The following CRISPLD1 variants were observed in gnomAD, a reference collection of about 807,000 sequenced individuals.
CRISPLD1 encodes cysteine-rich secretory protein LCCL domain-containing 1.
CRISPLD1 carries 60 observed loss-of-function variants against 77.5 expected under a neutral mutation model. The ratio of observed to expected loss-of-function variants is 0.77; its 90% CI spans 0.63 to 0.96. The LOEUF is 0.96. Among genes scored for constraint, CRISPLD1 ranks in the 40% least tolerant of loss-of-function variants. The pLI, the probability that CRISPLD1 is intolerant of heterozygous loss-of-function variation, is 0.00. For synonymous variants in CRISPLD1, 195 were observed against 200.1 expected (o/e 0.97, Z 0.22); for missense variants, 623 against 615.8 (o/e 1.01, Z -0.12).
rs1813101554 is a variant in CRISPLD1 at position 75,019,867 on chromosome 8, C to A, written c.1128-3C>A. On this transcript the variant is annotated splice_region_variant and splice_polypyrimidine_tract_variant and intron_variant, in intron 10 of 14. Coordinates refer to ENST00000262207, the MANE Select transcript of CRISPLD1 (RefSeq NM_031461.6). ...ATTAACATTTCTGTATTTTTACCTT[C>A]AGCAAATATCAGTCTGCTAATTCCT... The A allele has an allele frequency of 6.2e-7, 1 of 1,608,544 alleles. No individual in the cohort carries two copies. Among genetic ancestry groups the A allele is most frequent in the Non-Finnish European group, 8.5e-7 (1 of 1,175,672 alleles).
At chr8:75,023,802 G>T (rs969649810) in intron 12 of CRISPLD1, among the ~76,000 whole-genome samples, 1 of 152,132 alleles carries the variant, frequency 6.6e-6, no homozygotes, top group Non-Finnish European at 1.5e-5. Flanking sequence ...GTGTGTGTGT[G>T]TGTGTGTGTG....
intron 12 of CRISPLD1, among the ~76,000 whole-genome samples, chr8:75,022,234 C>G (rs1483222910): frequency 6.6e-6 from 1 of 152,092 alleles, no homozygotes; most frequent in Admixed American, 6.5e-5. Context: ...TGAAAAGCTT[C>G]TCCCTTTTTT....
At position 74,986,222 on chromosome 8, in the gene CRISPLD1, A is replaced by G. The variant is rs371100188; in HGVS notation, c.235A>G (p.Thr79Ala). The G allele has an allele frequency of 2.3e-5, 37 of 1,614,078 alleles. No homozygotes were observed. In the African/African-American group the frequency reaches 3.6e-4, roughly 16 times the overall value. Residue 79 changes from threonine to alanine, a missense_variant, in exon 2 of 15, where the codon ACA (threonine) becomes GCA (alanine). By Grantham distance (58) the Thr-to-Ala change is moderately conservative (BLOSUM62 0). Transcript: ENST00000262207. ...HNKLRSQVYP[T>A]ASNMEYMTWD... ...TAAATTACGAAGTCAGGTGTATCCA[A>G]CAGCCTCTAATATGGAGTATATGGT...
At chr8:75,020,652 T>C (rs1813118353) in intron 12 of CRISPLD1, among the ~76,000 whole-genome samples, 1 of 152,180 alleles carries the variant, frequency 6.6e-6, no homozygotes, top group Admixed American at 6.5e-5. Flanking sequence ...GTTAGTCAAA[T>C]TGGGGATTGA....
chr8:75,016,539 T>G, intron 6 of CRISPLD1, 26 bp from the exon 7 acceptor site: 3 of 1,591,258 alleles, frequency 1.9e-6, no homozygotes, highest in Non-Finnish European at 2.6e-6. Flanking sequence ...AGGGTTAATA[T>G]TTCCTAAATC....
Position 75,014,976 on chromosome 8 carries a change from T to TA in CRISPLD1, c.727+65dup. On this transcript the variant is annotated intron_variant, in intron 6 of 14. Coordinates refer to ENST00000262207, the MANE Select transcript of CRISPLD1 (RefSeq NM_031461.6). ...ATTTTAATCCAGCTCCTGCATTACTTATGTTTAAAAAAGCCAGAAGTGCAC... is the reference window on the plus strand; with the variant it reads ...ATTTTAATCCAGCTCCTGCATTACTTAATGTTTAAAAAAGCCAGAAGTGCAC... The TA allele has an allele frequency of 3.5e-6, 4 of 1,139,562 alleles. No individual in the cohort carries two copies. In the South Asian group the frequency reaches 6.8e-5, roughly 19 times the overall value. 70.6% of individuals were successfully genotyped at this position (1,139,562 alleles called of 1,614,324 possible). A position where few individuals can be genotyped will look rare whatever the true frequency, so the allele number is the denominator to read the frequency against.
rs1402305742 is a variant in CRISPLD1, at chr8:75,020,044, C to T, written c.1209C>T (p.Leu403=). The T allele has an allele frequency of 1.2e-6, 2 of 1,614,118 alleles. No homozygotes were observed. The highest frequency in any genetic ancestry group is 1.7e-6 in the Non-Finnish European group (2 of 1,179,988). ...CTTGTGAAACAACTGTGGAACAGCT[C>T]TGTCCATTTCATAAGCCTGCTTCAC... The part of the protein sequence containing the change: ...AVTCETTVEQ[L]CPFHKPASHC... Residue 403 remains leucine, a synonymous_variant, in exon 12 of 15, where the codon CTC becomes CTT. Coordinates refer to ENST00000262207, the MANE Select transcript of CRISPLD1 (RefSeq NM_031461.6).
chr8:75,030,667 T>A (rs1813318837), intron 14 of CRISPLD1, among the ~76,000 whole-genome samples: 1 of 150,584 alleles, frequency 6.6e-6, no homozygotes, highest in Non-Finnish European at 1.5e-5. Context: ...GTCAGGCCTA[T>A]ACCCGGAGAT....
intron 6 of CRISPLD1, among the ~76,000 whole-genome samples, chr8:75,015,184 TAA>T (rs1038668181): frequency 6.6e-6 from 1 of 152,186 alleles, no homozygotes; most frequent in Non-Finnish European, 1.5e-5. Context: ...TTTATATTCT[TAA>T]AAAGAGTCAT....
Position 75,016,905 on chromosome 8 carries a change from G to T in CRISPLD1, c.893G>T (p.Arg298Ile). 6.4e-7 allele frequency: 1 copy of T among 1,572,414 alleles called. No individual in the cohort carries two copies. The highest frequency in any genetic ancestry group is 1.2e-5 in the South Asian group (1 of 83,938). The change falls in exon 8 of 15, where the codon AGA becomes ATA. Residue 298 changes from arginine (R) to isoleucine (I), a missense_variant. By Grantham distance (97) the Arg-to-Ile change is moderately conservative (BLOSUM62 -3). Coordinates refer to ENST00000262207, the MANE Select transcript of CRISPLD1 (RefSeq NM_031461.6). ...GCCCAAATTGTTTCTTGTGAAGTAA[G>T]ATTAAGAGATCAGTGCAAAGGAACA... is the stretch of plus-strand genomic sequence containing the variant. The part of the protein sequence containing the change: ...QMSQIVSCEV[R>I]LRDQCKGTTC...
intron 2 of CRISPLD1, among the ~76,000 whole-genome samples, chr8:74,998,443 C>T (rs987680854): frequency 1.3e-5 from 2 of 151,932 alleles, no homozygotes; most frequent in African/African-American, 4.8e-5. Context: ...GTAATATCAG[C>T]CCTTGGTTGC....
intron 2 of CRISPLD1, among the ~76,000 whole-genome samples, chr8:75,003,297 T>A (rs534514235): frequency 6.6e-6 from 1 of 152,358 alleles, no homozygotes; most frequent in African/African-American, 2.4e-5. Flanking sequence ...ATTGTAGATT[T>A]CAGTTTCATT....
intron 10 of CRISPLD1, among the ~76,000 whole-genome samples, chr8:75,018,285 CGTTT>C (rs1459958069): frequency 1.3e-5 from 2 of 150,344 alleles, no homozygotes; most frequent in South Asian, 2.1e-4. Context: ...TGTTGTTTTT[CGTTT>C]GTTTGTTTTG....
At chr8:74,996,079 A>G (rs192924757) in intron 2 of CRISPLD1, among the ~76,000 whole-genome samples, 6 of 150,742 alleles carry the variant, frequency 4.0e-5, no homozygotes, top group African/African-American at 1.2e-4. Context: ...TTTTATATAT[A>G]TATACATGCA....
At chr8:74,993,014 A>G (rs1404779617) in intron 2 of CRISPLD1, among the ~76,000 whole-genome samples, 3 of 151,110 alleles carry the variant, frequency 2.0e-5, no homozygotes, top group African/African-American at 7.3e-5. Context: ...AATCTGGAAT[A>G]TGCAAAAGTG....
At chr8:75,029,805 C>A (rs1268185310) in intron 14 of CRISPLD1, among the ~76,000 whole-genome samples, 1 of 152,150 alleles carries the variant, frequency 6.6e-6, no homozygotes, top group Non-Finnish European at 1.5e-5. Context: ...AACTTTCTTT[C>A]ATCCTCTTTT....
chr8:74,993,561 T>C (rs1340887763), intron 2 of CRISPLD1, among the ~76,000 whole-genome samples: 1 of 152,208 alleles, frequency 6.6e-6, no homozygotes, highest in South Asian at 2.1e-4. Flanking sequence ...TTTTTAAGAC[T>C]TCGACCTTTA....
intron 2 of CRISPLD1, among the ~76,000 whole-genome samples, chr8:74,990,060 T>TG (rs761972400): frequency 4.5e-4 from 68 of 152,168 alleles, no homozygotes; most frequent in Admixed American, 9.2e-4. Context: ...TATGTGCACA[T>TG]GGACATAGGA....
intron 2 of CRISPLD1, among the ~76,000 whole-genome samples, chr8:74,998,685 CAAAAA>C (rs368258595): frequency 1.2e-4 from 6 of 50,982 alleles, no homozygotes; most frequent in Middle Eastern, 0.018. Context: ...GACTCCATCT[CAAAAA>C]AAAAAAAAAA....
Sources: gnomAD v4.1 joint callset for allele counts (sites outside exome capture counted in the v4.1 genomes callset) on GRCh38, gnomAD v4.1.1 for gene constraint, MANE v1.5 for transcripts, NCBI Gene and HGNC (gene_info 2026-07-23, HGNC 2026-07-21) for gene names.